PTPN4: variants seen among roughly 807,000 people sequenced by gnomAD.
PTPN4 encodes protein tyrosine phosphatase non-receptor type 4.
A neutral mutation model predicts 135.5 loss-of-function variants in PTPN4; 49 were observed. That is an observed-to-expected ratio of 0.36 (90% confidence interval 0.29 to 0.46). The LOEUF is 0.46. PTPN4 is among the 20% of genes least tolerant of loss of function. The pLI, the probability that PTPN4 is intolerant of heterozygous loss-of-function variation, is 1.00. For synonymous variants in PTPN4, 333 were observed against 369.9 expected (o/e 0.90, Z 1.14); for missense variants, 860 against 1,101.0 (o/e 0.78, Z 3.10).
intron 5 of PTPN4, among the ~76,000 whole-genome samples, chr2:119,879,048 A>G (rs922040986): frequency 1.4e-4 from 21 of 150,666 alleles, no homozygotes; most frequent in African/African-American, 2.9e-4. Context: ...AGCCGAGATC[A>G]CGCCACTGCA....
chr2:119,774,873 A>T (rs1257471662), intron 1 of PTPN4, among the ~76,000 whole-genome samples: 1 of 151,868 alleles, frequency 6.6e-6, no homozygotes, highest in Non-Finnish European at 1.5e-5. Context: ...AAATACAAAA[A>T]TTAGGCATGG....
intron 15 of PTPN4, among the ~76,000 whole-genome samples, chr2:119,939,254 A>G (rs544686780): frequency 6.6e-6 from 1 of 152,202 alleles, no homozygotes; most frequent in Non-Finnish European, 1.5e-5. Flanking sequence ...TTACATTCCT[A>G]ATCACAAGAT....
Position 119,946,396 on chromosome 2 carries a change from A to G in PTPN4, c.1571A>G (p.Glu524Gly), listed in dbSNP as rs371328492. 6.2e-7 allele frequency: 1 copy of G among 1,611,826 alleles called. No homozygotes were observed. ...GTCCTAATCAGAATGAAACCTGATG[A>G]AAATGGGAGGTTTGGATTCAATGTA... ...NLVLIRMKPD[E>G]NGRFGFNVKG... Residue 524 changes from glutamate to glycine, a missense_variant, in exon 17 of 27, where the codon GAA (glutamate) becomes GGA (glycine). Physicochemically the swap from Glu to Gly is moderately conservative, Grantham distance 98. Coordinates refer to ENST00000263708, the MANE Select transcript of PTPN4 (RefSeq NM_002830.4).
At chr2:119,943,405 A>T (rs1389783186) in intron 15 of PTPN4, among the ~76,000 whole-genome samples, 1 of 151,962 alleles carries the variant, frequency 6.6e-6, no homozygotes, top group Non-Finnish European at 1.5e-5. Context: ...AAGAGACATA[A>T]CAAAAGTTCT....
intron 5 of PTPN4, 119 bp downstream of exon 5, chr2:119,877,661 C>T: frequency 1.6e-6 from 2 of 1,284,420 alleles, no homozygotes; most frequent in Non-Finnish European, 2.1e-6. Flanking sequence ...AGTCAGTACA[C>T]AGAATAAGTT....
intron 2 of PTPN4, among the ~76,000 whole-genome samples, chr2:119,817,831 A>G (rs1184034567): frequency 1.3e-5 from 2 of 152,046 alleles, no homozygotes; most frequent in East Asian, 1.9e-4. Flanking sequence ...AGTGTCCTCT[A>G]TGATGTCTTT....
chr2:119,801,269 G>A (rs1260955501), intron 1 of PTPN4, among the ~76,000 whole-genome samples: 1 of 152,032 alleles, frequency 6.6e-6, no homozygotes, highest in Non-Finnish European at 1.5e-5. Flanking sequence ...TCTATTTTTA[G>A]TAGAGATGGG....
chr2:119,827,384 A>C (rs970672367), intron 2 of PTPN4, among the ~76,000 whole-genome samples: 1 of 152,166 alleles, frequency 6.6e-6, no homozygotes, highest in African/African-American at 2.4e-5. Flanking sequence ...AAAATTTGCA[A>C]GTTTTGTGTG....
At chr2:119,909,918 C>G (rs1574400030) in intron 10 of PTPN4, among the ~76,000 whole-genome samples, 1 of 152,074 alleles carries the variant, frequency 6.6e-6, no homozygotes, top group East Asian at 1.9e-4. Context: ...TGAATTGCTG[C>G]AATCTCATGA....
chr2:119,772,871 A>G (rs936169290), intron 1 of PTPN4, among the ~76,000 whole-genome samples: 20 of 152,172 alleles, frequency 1.3e-4, no homozygotes, highest in African/African-American at 4.8e-4. Context: ...ATATGGTTGA[A>G]TACAGGGTGC....
intron 3 of PTPN4, among the ~76,000 whole-genome samples, chr2:119,871,721 A>C (rs1677913364): frequency 6.6e-6 from 1 of 152,206 alleles, no homozygotes; most frequent in South Asian, 2.1e-4. Context: ...GAGAGAAAAA[A>C]AAAGCTTGAA....
At chr2:119,872,171 G>A (rs1385717501) in intron 3 of PTPN4, among the ~76,000 whole-genome samples, 1 of 151,778 alleles carries the variant, frequency 6.6e-6, no homozygotes, top group African/African-American at 2.4e-5. Context: ...GGTAAAGTTG[G>A]GATCAAATCC....
chr2:119,918,742 A>G (rs971700688), intron 11 of PTPN4, among the ~76,000 whole-genome samples: 4 of 152,210 alleles, frequency 2.6e-5, no homozygotes, highest in Non-Finnish European at 4.4e-5. Flanking sequence ...ATATGACCCA[A>G]CAACAAAAAT....
chr2:119,828,064 C>T (rs1281634236), intron 2 of PTPN4, among the ~76,000 whole-genome samples: 1 of 152,166 alleles, frequency 6.6e-6, no homozygotes, highest in East Asian at 1.9e-4. Context: ...AATTGGGTCT[C>T]CTTAGAACAC....
At chr2:119,766,371 A>AGG (rs1159873867) in intron 1 of PTPN4, among the ~76,000 whole-genome samples, 2 of 151,688 alleles carry the variant, frequency 1.3e-5, no homozygotes, top group African/African-American at 4.8e-5. Flanking sequence ...TTCTTAAGTC[A>AGG]CCTTCCTCTT....
At position 119,896,496 on chromosome 2, in the gene PTPN4, C is replaced by G. The variant is rs561628789; in HGVS notation, c.676-4222C>G. On this transcript the variant is annotated intron_variant, in intron 9 of 26. Coordinates refer to ENST00000263708, the MANE Select transcript of PTPN4 (RefSeq NM_002830.4). ...GCAGATTGGCAGCTTAATCTAGCAGCATGTTCAGATTCAAGATTGATGTCT... is the reference window on the plus strand; with the variant it reads ...GCAGATTGGCAGCTTAATCTAGCAGGATGTTCAGATTCAAGATTGATGTCT... 5.9e-5 allele frequency among the ~76,000 whole-genome samples: 9 copies of G among 152,308 alleles called. No homozygotes were observed. In the East Asian group the frequency reaches 1.7e-3, roughly 29 times the overall value.
At chr2:119,766,121 C>T (rs1438255048) in intron 1 of PTPN4, among the ~76,000 whole-genome samples, 1 of 152,042 alleles carries the variant, frequency 6.6e-6, no homozygotes, top group East Asian at 1.9e-4. Context: ...ATATCAGATC[C>T]CCCTCCCCAC....
chr2:119,766,489 T>C (rs1380572568), intron 1 of PTPN4, among the ~76,000 whole-genome samples: 85 of 141,064 alleles, frequency 6.0e-4, no homozygotes, highest in African/African-American at 2.3e-3. Context: ...TGTGTCTGTG[T>C]GTGTGTGTGT....
At position 119,832,745 on chromosome 2, in the gene PTPN4, T is replaced by G. The variant is rs530648556; in HGVS notation, c.138+22754T>G. Among the ~76,000 whole-genome samples the G allele has an allele frequency of 2.0e-5, 3 of 152,280 alleles. No individual in the cohort carries two copies. In the East Asian group the frequency reaches 5.8e-4, roughly 29 times the overall value. Reference sequence around the variant, plus strand: ...ATTTTCCATGAAATTCTTGTACCTTTTTTTTTACTGTGATGCAAAATCAGT... The same window carrying G: ...ATTTTCCATGAAATTCTTGTACCTTGTTTTTTACTGTGATGCAAAATCAGT... On this transcript the variant is annotated intron_variant, in intron 2 of 26. Coordinates refer to ENST00000263708, the MANE Select transcript of PTPN4 (RefSeq NM_002830.4).
Sources: gnomAD v4.1 joint callset for allele counts (sites outside exome capture counted in the v4.1 genomes callset) on GRCh38, gnomAD v4.1.1 for gene constraint, MANE v1.5 for transcripts, NCBI Gene and HGNC (gene_info 2026-07-23, HGNC 2026-07-21) for gene names.